RORB: variants seen among roughly 807,000 people sequenced by gnomAD.
The protein encoded by RORB is nuclear receptor ROR-beta.
RORB carries 6 observed loss-of-function variants against 59.1 expected under a neutral mutation model. That is an observed-to-expected ratio of 0.10 (90% CI 0.06 to 0.20). RORB has a LOEUF of 0.20. RORB is among the 10% of genes least tolerant of loss of function. The probability of loss-of-function intolerance (pLI) is 1.00; values close to 1 mark genes in which losing one functional copy is unlikely to be tolerated. For synonymous variants in RORB, 215 were observed against 204.5 expected, an observed-to-expected ratio of 1.05 and a Z score of -0.44; for missense variants, 320 against 560.5, an observed-to-expected ratio of 0.57 and a Z score of 4.33.
chr9:74,662,140 C>A (rs1194080072), intron 5 of RORB, among the ~76,000 whole-genome samples: 1 of 151,906 alleles, frequency 6.6e-6, no homozygotes, highest in Non-Finnish European at 1.5e-5. Context: ...TTGTTATTTT[C>A]TTTACAAACT....
At chr9:74,590,921 A>T (rs1822879113) in intron 1 of RORB, among the ~76,000 whole-genome samples, 1 of 151,950 alleles carries the variant, frequency 6.6e-6, no homozygotes, top group Admixed American at 6.6e-5. Context: ...TCAGCCCCCC[A>T]CGTAGCTGGG....
intron 1 of RORB, among the ~76,000 whole-genome samples, chr9:74,592,864 T>TGCACATGCACACGCACAC (rs1269384240): frequency 2.0e-5 from 3 of 151,714 alleles, no homozygotes; most frequent in Non-Finnish European, 4.4e-5. Context: ...TGCACACACA[T>TGCACATGCACACGCACAC]GCACATGCAC....
At chr9:74,518,757 T>C (rs1363088521) in intron 1 of RORB, among the ~76,000 whole-genome samples, 10 of 151,994 alleles carry the variant, frequency 6.6e-5, no homozygotes, top group Admixed American at 6.6e-4. Flanking sequence ...AGGTAACCTG[T>C]CCAAAATCAA....
intron 1 of RORB, among the ~76,000 whole-genome samples, chr9:74,582,276 A>G (rs1451592607): frequency 6.6e-6 from 1 of 152,218 alleles, no homozygotes; most frequent in African/African-American, 2.4e-5. Context: ...AAACCATTCT[A>G]GGGTAACTGA....
At chr9:74,629,870 T>C (rs1823587497) in intron 1 of RORB, among the ~76,000 whole-genome samples, 1 of 152,314 alleles carries the variant, frequency 6.6e-6, no homozygotes, top group African/African-American at 2.4e-5. Context: ...TATGTATTTA[T>C]TTTAAATATC....
At chr9:74,506,511 T>G (rs1825873313) in intron 1 of RORB, among the ~76,000 whole-genome samples, 1 of 152,084 alleles carries the variant, frequency 6.6e-6, no homozygotes, top group Non-Finnish European at 1.5e-5. Context: ...GAAAGGATAG[T>G]CTGTCATTCT....
intron 1 of RORB, among the ~76,000 whole-genome samples, chr9:74,501,094 G>C (rs1825798906): frequency 6.6e-6 from 1 of 152,074 alleles, no homozygotes; most frequent in Non-Finnish European, 1.5e-5. Context: ...ATTACACAGG[G>C]GCGCGGAAAT....
In RORB at chr9:74,685,864, T is replaced by G. The variant is rs1420153437; in HGVS notation, c.*246T>G. On this transcript the variant is annotated 3_prime_UTR_variant, in exon 10 of 10. Transcript: ENST00000376896. ...AAATATAGGACACTGGGTGTTATCC[T>G]TTTTTTAATTTTATTCGGGTATGTT... The G allele has an allele frequency of 3.6e-6, 1 of 277,880 alleles. No homozygotes were observed. Among genetic ancestry groups the G allele is most frequent in the African/African-American group, 2.2e-5 (1 of 45,782 alleles). 17.2% of individuals were successfully genotyped at this position (277,880 alleles called of 1,614,324 possible). A position where few individuals can be genotyped will look rare whatever the true frequency, so the allele number is the denominator to read the frequency against.
chr9:74,653,807 TA>T (rs1824034986), intron 4 of RORB, among the ~76,000 whole-genome samples: 1 of 10,526 alleles, frequency 9.5e-5, no homozygotes, highest in Admixed American at 1.3e-3. Context: ...CTGAAATGTC[TA>T]TCTAGTGAGA....
intron 1 of RORB, among the ~76,000 whole-genome samples, chr9:74,501,566 C>T (rs893422650): frequency 1.3e-5 from 2 of 152,122 alleles, no homozygotes; most frequent in Non-Finnish European, 2.9e-5. Context: ...TGTCTTCATT[C>T]CAAGAAATGT....
chr9:74,522,263 T>C (rs968919191), intron 1 of RORB, among the ~76,000 whole-genome samples: 2 of 151,806 alleles, frequency 1.3e-5, no homozygotes, highest in African/African-American at 4.8e-5. Flanking sequence ...TGTGTTGAAC[T>C]TATTGATTTC....
intron 1 of RORB, among the ~76,000 whole-genome samples, chr9:74,500,430 G>C (rs1825790671): frequency 6.6e-6 from 1 of 152,128 alleles, no homozygotes; most frequent in African/African-American, 2.4e-5. Flanking sequence ...CTTGAGAAGT[G>C]AAAGCGGGAA....
chr9:74,551,967 A>G (rs116340856), intron 1 of RORB, among the ~76,000 whole-genome samples: 186 of 152,318 alleles, frequency 1.2e-3, no homozygotes, highest in African/African-American at 4.4e-3. Flanking sequence ...GAGCTGAGGT[A>G]TCACTACACA....
At chr9:74,676,288 A>G (rs1336292185) in intron 9 of RORB, among the ~76,000 whole-genome samples, 3 of 151,922 alleles carry the variant, frequency 2.0e-5, no homozygotes, top group African/African-American at 7.3e-5. Context: ...TTTTCCCAGC[A>G]CTCCTGAAAA....
At chr9:74,525,052 G>A (rs1826138414) in intron 1 of RORB, among the ~76,000 whole-genome samples, 1 of 151,810 alleles carries the variant, frequency 6.6e-6, no homozygotes, top group South Asian at 2.1e-4. Context: ...AGTCTACTTA[G>A]TGATTTACAT....
chr9:74,676,751 C>T (rs780555401), intron 9 of RORB, among the ~76,000 whole-genome samples: 3 of 152,216 alleles, frequency 2.0e-5, no homozygotes, highest in Non-Finnish European at 2.9e-5. Context: ...AGTTATATCC[C>T]GTCCCCCGCG....
chr9:74,684,743 A>T (rs1220083453), intron 9 of RORB, among the ~76,000 whole-genome samples: 1 of 152,146 alleles, frequency 6.6e-6, no homozygotes, highest in Non-Finnish European at 1.5e-5. Context: ...GACCTCCCAA[A>T]TTCTCTATGT....
intron 1 of RORB, among the ~76,000 whole-genome samples, chr9:74,583,625 C>T (rs1488489840): frequency 6.6e-6 from 1 of 151,964 alleles, no homozygotes; most frequent in Non-Finnish European, 1.5e-5. Context: ...AAAGTTACCC[C>T]CAGGTTGATG....
chr9:74,592,106 C>T (rs1563946423), intron 1 of RORB, among the ~76,000 whole-genome samples: 1 of 152,136 alleles, frequency 6.6e-6, no homozygotes, highest in Non-Finnish European at 1.5e-5. Flanking sequence ...CCATAGCCAT[C>T]CATACTCACT....
Sources: allele counts gnomAD v4.1 joint callset (sites outside exome capture counted in the v4.1 genomes callset), GRCh38; gene constraint gnomAD v4.1.1; transcripts MANE v1.5; gene names NCBI Gene and HGNC (gene_info 2026-07-23, HGNC 2026-07-21).